The following PGPEP1L variants were observed in gnomAD, a reference collection of about 807,000 sequenced individuals.
PGPEP1L encodes pyroglutamyl-peptidase I like.
Under a neutral mutation model 6.0 loss-of-function variants are expected in PGPEP1L, and 7 were observed. The observed-to-expected ratio is 1.17, with a 90% CI of 0.66 to 2.19. The LOEUF (loss-of-function observed/expected upper bound fraction) is 2.19, where lower values mean the gene tolerates loss of function less well. Ranked by LOEUF, PGPEP1L falls within the 30% of genes most tolerant of loss-of-function variation. The pLI is 0.00. For missense variants in PGPEP1L, 209 were observed against 192.5 expected, an observed-to-expected ratio of 1.09 and a Z score of -0.51; for synonymous variants, 103 against 83.9, an observed-to-expected ratio of 1.23 and a Z score of -1.24.
chr15:99,002,953 G>C (rs1231076901), intron 2 of PGPEP1L, among the ~76,000 whole-genome samples: 6 of 152,158 alleles, frequency 3.9e-5, no homozygotes, highest in African/African-American at 1.2e-4. Context: ...CTTTAGACTA[G>C]GAACCAGTTC....
chr15:98,980,573 T>A (rs2017643625), intron 2 of PGPEP1L, among the ~76,000 whole-genome samples: 1 of 152,080 alleles, frequency 6.6e-6, no homozygotes, highest in Non-Finnish European at 1.5e-5. Flanking sequence ...ACTCCCCCAC[T>A]CGAGTGTGGG....
chr15:98,998,745 A>T (rs2017920367), intron 2 of PGPEP1L, among the ~76,000 whole-genome samples: 1 of 152,224 alleles, frequency 6.6e-6, no homozygotes, highest in Non-Finnish European at 1.5e-5. Flanking sequence ...TGGGAGGCCA[A>T]GGTGGGTGGA....
Position 98,969,622 on chromosome 15 carries a change from G to C in PGPEP1L, c.12C>G (p.Ala4=). 1 of 1,612,796 alleles carries C rather than the reference G, an allele frequency of 6.2e-7. No homozygotes were observed. Among genetic ancestry groups the C allele is most frequent in the South Asian group, 1.1e-5 (1 of 91,066 alleles). Residue 4 remains alanine, a synonymous_variant, in exon 4 of 5, where the codon GCC becomes GCG. Coordinates refer to ENST00000535714, the MANE Select transcript of PGPEP1L (RefSeq NM_001167902.2). MDT[A]AKAIILEQSG... ...ACTGTTCCAGAATGATCGCCTTGGC[G>C]GCGGTGTCCATGCCCACATGCACGA...
At position 98,968,649 on chromosome 15, in the gene PGPEP1L, G is replaced by C. The variant is rs934549612; in HGVS notation, c.258C>G (p.Gly86=). 6.3e-7 allele frequency: 1 copy of C among 1,593,718 alleles called. No individual in the cohort carries two copies. The highest frequency in any genetic ancestry group is 1.1e-5 in the South Asian group (1 of 87,820). The change falls in exon 5 of 5, where the codon GGC becomes GGG. Residue 86 remains glycine, a synonymous_variant. Transcript: ENST00000535714. Reference sequence around the variant, plus strand: ...GAGGGACATGGATGAGTGCCGCGCAGCCCTTTCCATGATGCAGAGACAGGT... The same window carrying C: ...GAGGGACATGGATGAGTGCCGCGCACCCCTTTCCATGATGCAGAGACAGGT... ...TYYLSLHHGK[G]CAALIHVPPL...
intron 2 of PGPEP1L, among the ~76,000 whole-genome samples, chr15:98,972,691 A>C (rs2017514914): frequency 6.6e-6 from 1 of 151,402 alleles, no homozygotes; most frequent in Non-Finnish European, 1.5e-5. Flanking sequence ...ACACAGTGAA[A>C]CCCCCCCATC....
Position 98,969,662 on chromosome 15 carries a change from G to A in PGPEP1L, c.-18-11C>T, listed in dbSNP as rs368210978. ...CACATGCACGACGAGCTGTGTGAAC[G>A]GGTAACAGCAGAGAGAACCCAGGAA... On this transcript the variant is annotated splice_polypyrimidine_tract_variant and intron_variant, in intron 3 of 4. Transcript: ENST00000535714. 8.8e-5 allele frequency: 141 copies of A among 1,607,884 alleles called. No homozygotes were observed. Among genetic ancestry groups the A allele is most frequent in the Admixed American group, 7.8e-4 (47 of 59,996 alleles).
intron 2 of PGPEP1L, among the ~76,000 whole-genome samples, chr15:99,004,058 C>CCTCT (rs2018011906): frequency 6.8e-6 from 1 of 147,284 alleles, no homozygotes; most frequent in South Asian, 2.1e-4. Flanking sequence ...GGAAACCCTG[C>CCTCT]CTCTTCATCC....
Position 98,970,745 on chromosome 15 carries a change from C to CCT in PGPEP1L, c.-19+289_-19+290dup, listed in dbSNP as rs2017481775. Among the ~76,000 whole-genome samples the CCT allele has an allele frequency of 3.3e-5, 5 of 152,324 alleles. No individual in the cohort carries two copies. The South Asian group carries it at 1.0e-3, about 32-fold the overall frequency. The stretch of plus-strand genomic sequence containing the variant: ...GTATGTGTGGGGCCCAACCCAAGGG[C>CCT]CTCTCCCTTAGGTGGAAACTATTTT... On this transcript the variant is annotated intron_variant, in intron 3 of 4. Transcript: ENST00000535714.
intron 2 of PGPEP1L, among the ~76,000 whole-genome samples, chr15:99,004,646 A>G (rs551435984): frequency 1.3e-5 from 2 of 152,322 alleles, no homozygotes; most frequent in South Asian, 4.2e-4. Flanking sequence ...TGAACCCAGG[A>G]GGCGGAGGCT....
In PGPEP1L at chr15:99,005,553, C is replaced by G. The variant is rs2593056; in HGVS notation, c.-266G>C. 0.73 allele frequency: 111,105 copies of G among 152,258 alleles called. 41,481 individuals carry two copies. The highest frequency in any genetic ancestry group is 0.93 in the East Asian group (4,805 of 5,162). The allele number at this position is 152,258 out of a possible 1,614,324, so 9.4% of individuals were successfully genotyped here. On this transcript the variant is annotated 5_prime_UTR_variant, in exon 2 of 5. Coordinates refer to ENST00000535714, the MANE Select transcript of PGPEP1L (RefSeq NM_001167902.2). ...GCGCGCTCTGAGCTCCGGGCACCTT[C>G]TCTGCCTGGCCGCGTGCTCGCCGGG...
chr15:98,994,761 A>G (rs563244030), intron 2 of PGPEP1L, among the ~76,000 whole-genome samples: 1 of 152,140 alleles, frequency 6.6e-6, no homozygotes, highest in East Asian at 1.9e-4. Flanking sequence ...GTGTCTTTTG[A>G]TAGTAAACTC....
At chr15:98,987,209 ATTT>A (rs1291768738) in intron 2 of PGPEP1L, among the ~76,000 whole-genome samples, 1 of 145,664 alleles carries the variant, frequency 6.9e-6, no homozygotes, top group African/African-American at 2.5e-5. Flanking sequence ...AGCCAATTTA[ATTT>A]TTGATATTCA....
At chr15:98,978,724 ATATTTTTTTTT>A (rs1567236389) in intron 2 of PGPEP1L, among the ~76,000 whole-genome samples, 1 of 69,668 alleles carries the variant, frequency 1.4e-5, no homozygotes, top group Non-Finnish European at 2.8e-5. Context: ...ATATATATAT[ATATTTTTTTTT>A]TTTTTTTTTT....
chr15:99,005,797 G>C (rs1555473547), intron 1 of PGPEP1L, 141 bp from the exon 2 acceptor site: 1 of 152,410 alleles, frequency 6.6e-6, no homozygotes, highest in Non-Finnish European at 1.5e-5. Flanking sequence ...GGTGAGCTAA[G>C]GGTTTGGCTA....
At chr15:98,978,543 T>G (rs2017602518) in intron 2 of PGPEP1L, among the ~76,000 whole-genome samples, 1 of 152,134 alleles carries the variant, frequency 6.6e-6, no homozygotes, top group South Asian at 2.1e-4. Context: ...CCCAGTAGAC[T>G]TCCCTTTTTT....
chr15:98,969,005 A>ATT (rs1194268764), intron 4 of PGPEP1L, among the ~76,000 whole-genome samples: 1 of 152,136 alleles, frequency 6.6e-6, no homozygotes, highest in Admixed American at 6.5e-5. Context: ...TCATTCATTC[A>ATT]CTGGGGAAAG....
At chr15:98,969,300 G>GGGC in intron 4 of PGPEP1L, 125 bp downstream of exon 4, 1 of 1,186,746 alleles carries the variant, frequency 8.4e-7, no homozygotes, top group Non-Finnish European at 1.2e-6. Context: ...GGCAATCTGG[G>GGGC]GGCGGCACCG....
At chr15:98,982,256 A>T (rs62025673) in intron 2 of PGPEP1L, among the ~76,000 whole-genome samples, 35,442 of 151,864 alleles carry the variant, frequency 0.23, 5,392 homozygotes, top group Non-Finnish European at 0.34. Context: ...GATCCTTGGG[A>T]GCTCCCTGGA....
At chr15:99,006,606 A>G (rs1463244825) in intron 1 of PGPEP1L, among the ~76,000 whole-genome samples, 1 of 152,214 alleles carries the variant, frequency 6.6e-6, no homozygotes, top group African/African-American at 2.4e-5. Flanking sequence ...AGGTAGGAGG[A>G]TAGCCTGAGG....
Sources: gnomAD v4.1 joint callset for allele counts (sites outside exome capture counted in the v4.1 genomes callset) on GRCh38, gnomAD v4.1.1 for gene constraint, MANE v1.5 for transcripts, NCBI Gene and HGNC (gene_info 2026-07-23, HGNC 2026-07-21) for gene names.